Variants in QKI observed in about 807,000 individuals in gnomAD.
The protein encoded by QKI is QKI, KH domain containing RNA binding.
Under a neutral mutation model 39.0 loss-of-function variants are expected in QKI, and 10 were observed. The observed-to-expected ratio is 0.26, with a 90% CI of 0.16 to 0.43. The LOEUF is 0.43. Among genes scored for constraint, QKI ranks in the 20% least tolerant of loss-of-function variants. The pLI is 1.00. For missense variants in QKI, 218 were observed against 428.0 expected (o/e 0.51, Z 4.33); for synonymous variants, 204 against 155.4 (o/e 1.31, Z -2.33).
intron 4 of QKI, among the ~76,000 whole-genome samples, chr6:163,555,819 T>G (rs938467243): frequency 2.6e-5 from 4 of 152,106 alleles, no homozygotes; most frequent in Non-Finnish European, 5.9e-5. Flanking sequence ...CTCTGGTGAT[T>G]ACTTTGTTGT....
At chr6:163,508,152 GTGGTCTGACATATGTATAAT>G (rs1182536131) in intron 3 of QKI, among the ~76,000 whole-genome samples, 1 of 152,100 alleles carries the variant, frequency 6.6e-6, no homozygotes, top group Non-Finnish European at 1.5e-5. Flanking sequence ...GGCCTGTGAA[GTGGTCTGACATATGTATAAT>G]TGGAGTCTTA....
intron 7 of QKI, chr6:163,567,399 T>G: frequency 5.1e-6 from 5 of 985,510 alleles, no homozygotes; most frequent in Non-Finnish European, 6.0e-6. Flanking sequence ...GTCAATTCCC[T>G]TTTATTCTTA....
At chr6:163,459,363 G>A (rs757115098) in intron 2 of QKI, among the ~76,000 whole-genome samples, 1 of 152,160 alleles carries the variant, frequency 6.6e-6, no homozygotes, top group Admixed American at 6.5e-5. Context: ...GGGAGAGGGG[G>A]TACTATTGGC....
intron 1 of QKI, among the ~76,000 whole-genome samples, chr6:163,449,101 TCTTA>T (rs1790363679): frequency 1.3e-5 from 2 of 152,186 alleles, no homozygotes; most frequent in Admixed American, 6.5e-5. Context: ...AATAACTAAA[TCTTA>T]CTTTGCTGTT....
chr6:163,502,861 G>A (rs993544637), intron 3 of QKI, among the ~76,000 whole-genome samples: 1 of 152,080 alleles, frequency 6.6e-6, no homozygotes, highest in African/African-American at 2.4e-5. Context: ...TCTTTCGGAT[G>A]TATACCCAGT....
chr6:163,566,673 C>A, intron 6 of QKI, 48 bp from the exon 7 acceptor site: 1 of 1,603,142 alleles, frequency 6.2e-7, no homozygotes, highest in South Asian at 1.1e-5. Context: ...TTTTTTCCCC[C>A]CTTGTGAATG....
chr6:163,519,752 TTAAC>T (rs1384386910), intron 3 of QKI, among the ~76,000 whole-genome samples: 1 of 152,090 alleles, frequency 6.6e-6, no homozygotes, highest in African/African-American at 2.4e-5. Flanking sequence ...GCTCTCATAA[TTAAC>T]CACAATAATT....
rs1199531616 is a variant in QKI at position 163,575,601 on chromosome 6, C to G, written c.*4891C>G. Reference sequence around the variant, plus strand: ...ATGAAAGTAGTTACTCCCATACGCACCAGTGCAGTAGCTCCAGGTGTAAGA... The same window carrying G: ...ATGAAAGTAGTTACTCCCATACGCAGCAGTGCAGTAGCTCCAGGTGTAAGA... On this transcript the variant is annotated 3_prime_UTR_variant, in exon 8 of 8. Transcript: ENST00000361752. The G allele has an allele frequency of 6.6e-6, 1 of 152,170 alleles. No individual in the cohort carries two copies. Among genetic ancestry groups the G allele is most frequent in the Non-Finnish European group, 1.5e-5 (1 of 68,030 alleles). The allele number at this position is 152,170 out of a possible 1,614,324, so 9.4% of individuals were successfully genotyped here. A position where few individuals can be genotyped will look rare whatever the true frequency, so the allele number is the denominator to read the frequency against.
At position 163,578,402 on chromosome 6, in the gene QKI, C is replaced by G. The variant is rs1163428703; in HGVS notation, c.*7692C>G. On this transcript the variant is annotated 3_prime_UTR_variant, in exon 8 of 8. Transcript: ENST00000361752. ...AAAGTGCCTTGGCTGTGCTTGAAAC[C>G]TGAATTTTAGTGCTTCCCTTATTAC... is the stretch of plus-strand genomic sequence containing the variant. 2.0e-5 allele frequency: 3 copies of G among 152,154 alleles called. No individual in the cohort carries two copies. The highest frequency in any genetic ancestry group is 4.4e-5 in the Non-Finnish European group (3 of 68,040). 9.4% of individuals were successfully genotyped at this position (152,154 alleles called of 1,614,324 possible).
At chr6:163,520,847 G>A (rs545039251) in intron 3 of QKI, among the ~76,000 whole-genome samples, 2 of 152,076 alleles carry the variant, frequency 1.3e-5, no homozygotes, top group Non-Finnish European at 2.9e-5. Context: ...TTATGATGAA[G>A]GGTTATGAGA....
chr6:163,567,982 C>A, intron 7 of QKI: 1 of 985,364 alleles, frequency 1.0e-6, no homozygotes, highest in Non-Finnish European at 1.2e-6. Context: ...TTAGCATAAT[C>A]CATAAAGAAC....
chr6:163,432,797 G>T (rs1210816594), intron 1 of QKI, among the ~76,000 whole-genome samples: 1 of 152,198 alleles, frequency 6.6e-6, no homozygotes, highest in Non-Finnish European at 1.5e-5. Flanking sequence ...AGACATGTTT[G>T]TGTTGATGTT....
At chr6:163,526,824 A>G (rs1373150080) in intron 3 of QKI, among the ~76,000 whole-genome samples, 1 of 152,198 alleles carries the variant, frequency 6.6e-6, no homozygotes, top group Non-Finnish European at 1.5e-5. Flanking sequence ...TGGGGCCAGA[A>G]TAGTATTTTG....
chr6:163,507,944 A>G (rs1217542583), intron 3 of QKI, among the ~76,000 whole-genome samples: 1 of 152,206 alleles, frequency 6.6e-6, no homozygotes, highest in East Asian at 1.9e-4. Flanking sequence ...GACAAAATAC[A>G]GAAAGACAGT....
chr6:163,506,484 C>T (rs76329061), intron 3 of QKI, among the ~76,000 whole-genome samples: 2,876 of 152,290 alleles, frequency 0.019, 47 homozygotes, highest in Non-Finnish European at 0.03. Flanking sequence ...TTTTACATCA[C>T]ATGATTTGTG....
At chr6:163,451,070 A>G (rs1387648447) in intron 1 of QKI, among the ~76,000 whole-genome samples, 3 of 152,248 alleles carry the variant, frequency 2.0e-5, no homozygotes, top group Non-Finnish European at 4.4e-5. Context: ...TGATAGATTA[A>G]TATCAGTCTG....
At chr6:163,429,002 C>A (rs1383394446) in intron 1 of QKI, 4 of 152,158 alleles carry the variant, frequency 2.6e-5, no homozygotes, top group Non-Finnish European at 4.4e-5. Context: ...TTCAGTTCAT[C>A]TTTGGCAGTA....
intron 1 of QKI, among the ~76,000 whole-genome samples, chr6:163,440,871 G>GTT (rs370250672): frequency 0.029 from 4,247 of 148,372 alleles, 197 homozygotes; most frequent in African/African-American, 0.097. Context: ...TGGTAAGACA[G>GTT]TTTTTTTTTT....
At chr6:163,492,771 C>CCT (rs1778139066) in intron 3 of QKI, among the ~76,000 whole-genome samples, 1 of 151,982 alleles carries the variant, frequency 6.6e-6, no homozygotes, top group African/African-American at 2.4e-5. Context: ...GAATAATAGA[C>CCT]AAGTGAGTAA....
Sources: allele counts gnomAD v4.1 joint callset (sites outside exome capture counted in the v4.1 genomes callset), GRCh38; gene constraint gnomAD v4.1.1; transcripts MANE v1.5; gene names NCBI Gene and HGNC (gene_info 2026-07-23, HGNC 2026-07-21).